Variants in ASTN2 observed in about 807,000 individuals in gnomAD.
ASTN2 encodes astrotactin 2, also known as astrotactin-2.
A neutral mutation model predicts 139.8 loss-of-function variants in ASTN2; 54 were observed. That is an observed-to-expected ratio of 0.39 (90% CI 0.31 to 0.48). ASTN2 has a LOEUF of 0.48. ASTN2 is among the 20% of genes least tolerant of loss of function. The pLI, the probability that ASTN2 is intolerant of heterozygous loss-of-function variation, is 0.95. For missense variants in ASTN2, 1,565 were observed against 1,725.1 expected (o/e 0.91, Z 1.64); for synonymous variants, 756 against 719.5 (o/e 1.05, Z -0.81).
rs1278978857 is a variant in ASTN2 at position 117,415,024 on chromosome 9, GACGCCGAAGCGA to G, written c.-98_-87del. 5.4e-6 allele frequency: 1 copy of G among 184,582 alleles called. No homozygotes were observed. Among genetic ancestry groups the G allele is most frequent in the East Asian group, 1.6e-4 (1 of 6,082 alleles). 11.4% of individuals were successfully genotyped at this position (184,582 alleles called of 1,614,324 possible). A position where few individuals can be genotyped will look rare whatever the true frequency, so the allele number is the denominator to read the frequency against. On this transcript the variant is annotated 5_prime_UTR_variant, in exon 1 of 23. Coordinates refer to ENST00000313400, the MANE Select transcript of ASTN2 (RefSeq NM_001365068.1). ...AGAGGAGGCAGCTGCGGAGACGGCG[GACGCCGAAGCGA>G]ACCAGGACGCCCGAGCTAAGGAGCG...
chr9:117,138,740 T>G (rs1184960734), intron 4 of ASTN2, among the ~76,000 whole-genome samples: 1 of 152,194 alleles, frequency 6.6e-6, no homozygotes, highest in Non-Finnish European at 1.5e-5. Flanking sequence ...CAAATAAATT[T>G]CTTCATGCAT....
At chr9:116,693,042 A>G (rs1214055152) in intron 16 of ASTN2, among the ~76,000 whole-genome samples, 1 of 152,142 alleles carries the variant, frequency 6.6e-6, no homozygotes, top group East Asian at 1.9e-4. Flanking sequence ...ATATGCCTTT[A>G]TATGCCATGA....
At chr9:116,523,057 T>C (rs59494978) in intron 19 of ASTN2, among the ~76,000 whole-genome samples, 10 of 152,076 alleles carry the variant, frequency 6.6e-5, no homozygotes, top group Middle Eastern at 3.4e-3. Context: ...AAAACTAAGA[T>C]AGAAAAATCT....
At position 116,601,567 on chromosome 9, in the gene ASTN2, G is replaced by A. The variant is rs564049880; in HGVS notation, c.3355+16757C>T. Among the ~76,000 whole-genome samples, 12 of 152,208 alleles carry A rather than the reference G, an allele frequency of 7.9e-5. No homozygotes were observed. In the East Asian group the frequency reaches 1.9e-3, roughly 24 times the overall value. ...CAACGGAAATAAAAAGAAAGGACCC[G>A]ATTTGAGAGATAATGGGGATCAAAG... On this transcript the variant is annotated intron_variant, in intron 19 of 22. Transcript: ENST00000313400.
chr9:117,409,420 T>C (rs1427365858), intron 1 of ASTN2, among the ~76,000 whole-genome samples: 2 of 152,162 alleles, frequency 1.3e-5, no homozygotes, highest in Admixed American at 6.5e-5. Context: ...AGGAAGTGGG[T>C]CCATTCTTCG....
At chr9:117,074,618 G>A (rs1828229004) in intron 5 of ASTN2, among the ~76,000 whole-genome samples, 1 of 152,190 alleles carries the variant, frequency 6.6e-6, no homozygotes, top group Non-Finnish European at 1.5e-5. Context: ...TGTCAGAACA[G>A]CAGAAGTGGC....
intron 10 of ASTN2, among the ~76,000 whole-genome samples, chr9:116,943,792 C>T (rs955291276): frequency 1.3e-5 from 2 of 152,190 alleles, no homozygotes; most frequent in African/African-American, 4.8e-5. Flanking sequence ...CATTGCAACG[C>T]ATTCTGTTTC....
At chr9:116,577,816 C>A (rs1164538344) in intron 19 of ASTN2, among the ~76,000 whole-genome samples, 1 of 151,996 alleles carries the variant, frequency 6.6e-6, no homozygotes, top group East Asian at 1.9e-4. Context: ...ATTATCAATC[C>A]AATAATTAGG....
intron 4 of ASTN2, among the ~76,000 whole-genome samples, chr9:117,112,375 C>T (rs1042966061): frequency 6.6e-6 from 1 of 151,962 alleles, no homozygotes; most frequent in Admixed American, 6.6e-5. Flanking sequence ...CTTAACACTG[C>T]TTGTTTTTAA....
intron 19 of ASTN2, among the ~76,000 whole-genome samples, chr9:116,559,346 A>G (rs529871779): frequency 6.6e-6 from 1 of 152,202 alleles, no homozygotes; most frequent in Admixed American, 6.5e-5. Context: ...AAATTCAACA[A>G]ACATATGCTG....
At position 117,291,501 on chromosome 9, in the gene ASTN2, G is replaced by A; in HGVS notation, c.455C>T (p.Thr152Ile). The A allele has an allele frequency of 1.2e-6, 2 of 1,603,904 alleles. No homozygotes were observed. The highest frequency in any genetic ancestry group is 8.5e-7 in the Non-Finnish European group (1 of 1,174,720). The change falls in exon 2 of 23, where the codon ACA (threonine) becomes ATA (isoleucine). Residue 152 changes from threonine to isoleucine, a missense_variant. Transcript: ENST00000313400. ...GTGCACCAGCGAGATGTCCGCTGCT[G>A]TGCCAGACATCTCTGCAAGACAAGA... ...LPFFTLEMSG[T>I]AADISLVHWR...
chr9:117,224,858 G>A (rs1398788505), intron 2 of ASTN2, among the ~76,000 whole-genome samples: 2 of 152,110 alleles, frequency 1.3e-5, no homozygotes, highest in Non-Finnish European at 2.9e-5. Context: ...ACTGGGTTAA[G>A]TACCACCTGT....
chr9:116,597,604 C>T (rs760671595), intron 19 of ASTN2, among the ~76,000 whole-genome samples: 67 of 152,044 alleles, frequency 4.4e-4, no homozygotes, highest in Admixed American at 3.9e-3. Flanking sequence ...TCTATTAATA[C>T]GTCCCAGGAG....
At chr9:116,945,696 T>C (rs182514143) in intron 10 of ASTN2, among the ~76,000 whole-genome samples, 1 of 152,188 alleles carries the variant, frequency 6.6e-6, no homozygotes, top group East Asian at 1.9e-4. Flanking sequence ...TGGTTTATTA[T>C]TTGGCCAATA....
intron 3 of ASTN2, among the ~76,000 whole-genome samples, chr9:117,177,788 C>T (rs749583022): frequency 6.6e-6 from 1 of 152,144 alleles, no homozygotes; most frequent in African/African-American, 2.4e-5. Context: ...ATGCAGCAAC[C>T]TGCGACCTGT....
intron 13 of ASTN2, among the ~76,000 whole-genome samples, chr9:116,774,860 A>C (rs1183942963): frequency 6.6e-6 from 1 of 151,642 alleles, no homozygotes; most frequent in Non-Finnish European, 1.5e-5. Flanking sequence ...CCCTCTACCC[A>C]GCCTCCAGCA....
intron 17 of ASTN2, among the ~76,000 whole-genome samples, chr9:116,636,066 G>A (rs1290477825): frequency 1.3e-5 from 2 of 152,174 alleles, no homozygotes; most frequent in East Asian, 1.9e-4. Context: ...AATGACAAAG[G>A]CTCTATTCTT....
At position 116,465,139 on chromosome 9, in the gene ASTN2, G is replaced by C. The variant is rs928558210; in HGVS notation, c.3497+22220C>G. 4.6e-5 allele frequency among the ~76,000 whole-genome samples: 7 copies of C among 152,336 alleles called. No individual in the cohort carries two copies. In the East Asian group the frequency reaches 1.4e-3, roughly 29 times the overall value. On this transcript the variant is annotated intron_variant, in intron 20 of 22. Coordinates refer to ENST00000313400, the MANE Select transcript of ASTN2 (RefSeq NM_001365068.1). ...GAGCACAAGTTTAAAATCCAAGTCTGTCTGCCTCCACCACGAAGGCTGCAT... is the reference window on the plus strand; with the variant it reads ...GAGCACAAGTTTAAAATCCAAGTCTCTCTGCCTCCACCACGAAGGCTGCAT...
intron 2 of ASTN2, among the ~76,000 whole-genome samples, chr9:117,229,127 C>T (rs1832808562): frequency 1.3e-5 from 2 of 152,126 alleles, no homozygotes; most frequent in Non-Finnish European, 2.9e-5. Context: ...TCCTCTCATC[C>T]CTGAGATAAT....
Sources: gnomAD v4.1 joint callset for allele counts (sites outside exome capture counted in the v4.1 genomes callset) on GRCh38, gnomAD v4.1.1 for gene constraint, MANE v1.5 for transcripts, NCBI Gene and HGNC (gene_info 2026-07-23, HGNC 2026-07-21) for gene names.